The following CFAP46 variants were observed in gnomAD, a reference collection of about 807,000 sequenced individuals.
CFAP46 encodes the protein cilia and flagella associated protein 46, also known as cilia- and flagella-associated protein 46.
CFAP46 carries 245 observed loss-of-function variants against 325.7 expected under a neutral mutation model. The ratio of observed to expected loss-of-function variants is 0.75; its 90% CI spans 0.68 to 0.84. CFAP46 has a LOEUF of 0.84. CFAP46 is among the 40% of genes least tolerant of loss of function. The probability of loss-of-function intolerance (pLI) is 0.00; values close to 1 mark genes in which losing one functional copy is unlikely to be tolerated. For missense variants in CFAP46, 3,346 were observed against 3,543.0 expected (o/e 0.94, Z 1.41); for synonymous variants, 1,523 against 1,495.9 (o/e 1.02, Z -0.42).
intron 32 of CFAP46, among the ~76,000 whole-genome samples, chr10:132,871,009 T>C (rs1848889988): frequency 6.6e-6 from 1 of 152,212 alleles, no homozygotes; most frequent in African/African-American, 2.4e-5. Context: ...GCCGGGGACT[T>C]TGAGTTGAAG....
At chr10:132,912,520 T>A in intron 19 of CFAP46, 135 bp downstream of exon 19, 1 of 791,186 alleles carries the variant, frequency 1.3e-6, no homozygotes, top group Non-Finnish European at 1.9e-6. Context: ...CTCCTCTCTC[T>A]CTCTTCACCT....
At chr10:132,934,119 C>G (rs929107795) in intron 8 of CFAP46, among the ~76,000 whole-genome samples, 4 of 152,198 alleles carry the variant, frequency 2.6e-5, no homozygotes, top group Non-Finnish European at 5.9e-5. Context: ...TGTTAGTTTC[C>G]CATGGCCACC....
chr10:132,935,836 C>T (rs1849992863), intron 7 of CFAP46, among the ~76,000 whole-genome samples: 1 of 124,544 alleles, frequency 8.0e-6, no homozygotes, highest in Non-Finnish European at 1.7e-5. Context: ...CCTCGGCACC[C>T]AAACACACTG....
intron 20 of CFAP46, among the ~76,000 whole-genome samples, chr10:132,909,643 G>T (rs889356707): frequency 2.6e-5 from 4 of 152,198 alleles, no homozygotes; most frequent in Admixed American, 1.3e-4. Flanking sequence ...GAGCTCATGG[G>T]GCCGGCCCTG....
At position 132,860,921 on chromosome 10, in the gene CFAP46, T is replaced by C; in HGVS notation, c.4952A>G (p.Lys1651Arg). The change falls in exon 36 of 58, where the codon AAG (lysine) becomes AGG (arginine). Residue 1651 changes from lysine (K) to arginine (R), a missense_variant. Lys to Arg is a conservative substitution (Grantham distance 26). Transcript: ENST00000368586. ...CLLLLAQLANKEKNYGQAKKM... is the reference protein window; with the variant it reads ...CLLLLAQLANREKNYGQAKKM... The stretch of plus-strand genomic sequence containing the variant: ...CTTGGCTTGTCCATAGTTTTTCTCC[T>C]TGTTGGCCAACTGTGCGAGGAGGAG... The C allele has an allele frequency of 6.4e-7, 1 of 1,550,758 alleles. No homozygotes were observed. Among genetic ancestry groups the C allele is most frequent in the Non-Finnish European group, 8.7e-7 (1 of 1,147,030 alleles).
In CFAP46 at chr10:132,851,169, T is replaced by A; in HGVS notation, c.5711A>T (p.Lys1904Met). 6.2e-7 allele frequency: 1 copy of A among 1,614,092 alleles called. No individual in the cohort carries two copies. Among genetic ancestry groups the A allele is most frequent in the Non-Finnish European group, 8.5e-7 (1 of 1,180,038 alleles). ...GTTCTGCAGATAGTCCGCCAGCAGC[T>A]TCTCCAGGGACCCCTGCTCACTCTG... is the stretch of plus-strand genomic sequence containing the variant. The part of the protein sequence containing the change: ...GQQSEQGSLE[K>M]LLADYLQNTS... The change falls in exon 40 of 58, where the codon AAG (lysine) becomes ATG (methionine). Residue 1904 changes from lysine to methionine, a missense_variant. By Grantham distance (95) the Lys-to-Met change is moderately conservative (BLOSUM62 -1). Transcript: ENST00000368586.
intron 33 of CFAP46, 121 bp from the exon 34 acceptor site, chr10:132,867,628 C>T (rs1233373019): frequency 7.7e-7 from 1 of 1,295,526 alleles, no homozygotes. Flanking sequence ...CGCGTGTTTA[C>T]AAAGATTTTT....
intron 39 of CFAP46, among the ~76,000 whole-genome samples, chr10:132,853,613 G>C (rs1277864422): frequency 2.0e-5 from 3 of 146,818 alleles, no homozygotes; most frequent in African/African-American, 7.6e-5. Context: ...TTAAATATTT[G>C]GCAGAATTCA....
At chr10:132,909,797 G>A in intron 20 of CFAP46, 122 bp downstream of exon 20, 1 of 926,792 alleles carries the variant, frequency 1.1e-6, no homozygotes, top group Non-Finnish European at 1.5e-6. Context: ...GAGTGCCCAG[G>A]CCATCCGTGA....
In CFAP46 at chr10:132,922,616, C is replaced by T. The variant is rs1283211601; in HGVS notation, c.1349G>A (p.Arg450Gln). ...DRLEPATEHL[R>Q]KAARLDSLGL... ...CAGGCTGTCCAGGCGCGCGGCTTTCCGGAGGTGCTCCGTGGCGGGCTCCAG... is the reference window on the plus strand; with the variant it reads ...CAGGCTGTCCAGGCGCGCGGCTTTCTGGAGGTGCTCCGTGGCGGGCTCCAG... Residue 450 changes from arginine to glutamine, a missense_variant, in exon 12 of 58, where the codon CGG becomes CAG. Arg to Gln is a conservative substitution (Grantham distance 43). Coordinates refer to ENST00000368586, the MANE Select transcript of CFAP46 (RefSeq NM_001200049.3). 7 of 1,549,518 alleles carry T rather than the reference C, an allele frequency of 4.5e-6. No individual in the cohort carries two copies. Among genetic ancestry groups the T allele is most frequent in the African/African-American group, 2.7e-5 (2 of 73,064 alleles).
At position 132,827,834 on chromosome 10, in the gene CFAP46, T is replaced by C. The variant is rs1032266221; in HGVS notation, c.7117+5524A>G. 6.6e-6 allele frequency among the ~76,000 whole-genome samples: 1 copy of C among 152,008 alleles called. No homozygotes were observed. Among genetic ancestry groups the C allele is most frequent in the Non-Finnish European group, 1.5e-5 (1 of 68,006 alleles). On this transcript the variant is annotated intron_variant, in intron 50 of 57. Transcript: ENST00000368586. This position sits in a 1 kb window ranked among gnomAD's most constrained non-coding sequence, Gnocchi z 5.7. ...CCTGCCTTCTGACTTGTACATTGGT[T>C]TGTATTTCCCAGGCTTTTGTAAAAA...
intron 22 of CFAP46, among the ~76,000 whole-genome samples, chr10:132,906,437 G>C (rs1849456801): frequency 6.6e-6 from 1 of 152,158 alleles, no homozygotes; most frequent in Non-Finnish European, 1.5e-5. Flanking sequence ...CAACCGAGAA[G>C]AGTGAACGGG....
chr10:132,836,426 C>T (rs1591043781), intron 45 of CFAP46, among the ~76,000 whole-genome samples: 1 of 152,156 alleles, frequency 6.6e-6, no homozygotes, highest in Non-Finnish European at 1.5e-5. Context: ...CTGGGTCATG[C>T]ACCGGGCACT....
At chr10:132,814,505 C>T (rs1278147461) in intron 53 of CFAP46, 72 bp downstream of exon 53, 2 of 1,527,058 alleles carry the variant, frequency 1.3e-6, no homozygotes, top group Non-Finnish European at 1.8e-6. Flanking sequence ...CCAGTTGCTG[C>T]CCACAACTGC....
At chr10:132,911,654 C>T (rs1029015462) in intron 19 of CFAP46, among the ~76,000 whole-genome samples, 17 of 152,344 alleles carry the variant, frequency 1.1e-4, no homozygotes, top group Middle Eastern at 3.4e-3. Flanking sequence ...CATCTGTCAA[C>T]GAGAACACTA....
At chr10:132,915,758 C>T (rs1205168142) in intron 17 of CFAP46, among the ~76,000 whole-genome samples, 1 of 152,228 alleles carries the variant, frequency 6.6e-6, no homozygotes, top group Non-Finnish European at 1.5e-5. Context: ...CGGCGAGCGA[C>T]TATAGTTTAC....
chr10:132,837,498 CACACA>C lies in CFAP46; in HGVS notation c.6439-589_6439-585del, dbSNP rs1848273106. 6.7e-4 allele frequency among the ~76,000 whole-genome samples: 22 copies of C among 32,794 alleles called. No individual in the cohort carries two copies. The South Asian group carries it at 0.022, about 33-fold the overall frequency. The allele number at this position is 32,794 out of a possible 152,430, so 21.5% of individuals were successfully genotyped here. On this transcript the variant is annotated intron_variant, in intron 44 of 57. Transcript: ENST00000368586. ...ACACACATGCACACGTACACAGATG[CACACA>C]GACGCACACAGACATGCACAGACAC...
At chr10:132,934,239 G>T (rs1849957290) in intron 8 of CFAP46, among the ~76,000 whole-genome samples, 1 of 152,104 alleles carries the variant, frequency 6.6e-6, no homozygotes. Context: ...ATCGCTCCAG[G>T]GGCAGGGGAC....
Position 132,869,832 on chromosome 10 carries a change from G to A in CFAP46, c.4512-460C>T, listed in dbSNP as rs1371370320. 2.0e-5 allele frequency among the ~76,000 whole-genome samples: 3 copies of A among 152,228 alleles called. No homozygotes were observed. The highest frequency in any genetic ancestry group is 1.9e-4 in the East Asian group (1 of 5,186). On this transcript the variant is annotated intron_variant, in intron 32 of 57. Transcript: ENST00000368586. The surrounding 1 kb of genome is among the most constrained non-coding windows in gnomAD (Gnocchi z 6.2). ...CACGCCTGCTCCAGCCTCCTCTCCCGTGCCCGCCCCTGGGATATCTGAGCA... is the reference window on the plus strand; with the variant it reads ...CACGCCTGCTCCAGCCTCCTCTCCCATGCCCGCCCCTGGGATATCTGAGCA...
Sources: gnomAD v4.1 joint callset for allele counts (sites outside exome capture counted in the v4.1 genomes callset) on GRCh38, gnomAD v4.1.1 for gene constraint, Gnocchi (gnomAD v3.1) non-coding constraint, MANE v1.5 for transcripts, NCBI Gene and HGNC (gene_info 2026-07-23, HGNC 2026-07-21) for gene names.